FAM161A: variants seen among roughly 807,000 people sequenced by gnomAD.
The protein encoded by FAM161A is FAM161 centrosomal protein A.
FAM161A carries 57 observed loss-of-function variants against 70.9 expected under a neutral mutation model. That is an observed-to-expected ratio of 0.80 (90% CI 0.65 to 1.00). The LOEUF (loss-of-function observed/expected upper bound fraction) is 1.00. FAM161A is among the 50% of genes least tolerant of loss of function. The pLI is 0.00. For synonymous variants in FAM161A, 299 were observed against 295.7 expected (o/e 1.01, Z -0.12); for missense variants, 880 against 836.0 (o/e 1.05, Z -0.65).
the FAM161A span, among the ~76,000 whole-genome samples, chr2:61,807,406 G>T: frequency 2.0e-5 from 3 of 151,968 alleles, no homozygotes; most frequent in South Asian, 6.2e-4. Flanking sequence ...GCATTGCGTA[G>T]ATTGTGCTAT....
At position 61,854,034 on chromosome 2, in the gene FAM161A, G is replaced by C. The variant is rs776840636; in HGVS notation, c.8C>G (p.Thr3Ser). 6.2e-7 allele frequency: 1 copy of C among 1,607,912 alleles called. No individual in the cohort carries two copies. The highest frequency in any genetic ancestry group is 8.5e-7 in the Non-Finnish European group (1 of 1,177,310). Residue 3 changes from threonine to serine, a missense_variant, in exon 1 of 7, where the codon ACC (threonine) becomes AGC (serine). By Grantham distance (58) the Thr-to-Ser change is moderately conservative (BLOSUM62 1). Coordinates refer to ENST00000404929, the MANE Select transcript of FAM161A (RefSeq NM_001201543.2). MA[T>S]SHRVAKLVAS... ...CACCAGCTTCGCCACTCGGTGGGAG[G>C]TGGCCATCGCCCCGCCTCCGAGGCC...
chr2:61,833,467 G>C (rs562825523), intron 5 of FAM161A, among the ~76,000 whole-genome samples: 2 of 151,624 alleles, frequency 1.3e-5, no homozygotes, highest in South Asian at 4.2e-4. Flanking sequence ...AATAATATAG[G>C]GCTCAGCTGC....
intron 4 of FAM161A, among the ~76,000 whole-genome samples, chr2:61,837,818 C>T (rs117782647): frequency 0.011 from 1,625 of 152,230 alleles, 65 homozygotes; most frequent in Admixed American, 0.069. Context: ...ATTATGCTCA[C>T]GTTCATCAAA....
At position 61,838,598 on chromosome 2, in the gene FAM161A, T is replaced by C. The variant is rs1335355430; in HGVS notation, c.1691A>G (p.Lys564Arg). Residue 564 changes from lysine to arginine, a missense_variant, in exon 4 of 7, where the codon AAG becomes AGG. Coordinates refer to ENST00000404929, the MANE Select transcript of FAM161A (RefSeq NM_001201543.2). ...TAAACTTTGATGTGAGTCATAAGCC[T>C]TAGCCCGGGTTGTCAGGAGTTTCTG... ...ELQKLLTTRA[K>R]AYDSHQSLAQ... The C allele has an allele frequency of 6.2e-7, 1 of 1,612,216 alleles. No homozygotes were observed. Among genetic ancestry groups the C allele is most frequent in the African/African-American group, 1.3e-5 (1 of 74,914 alleles).
At chr2:61,812,416 T>A in the FAM161A span, among the ~76,000 whole-genome samples, 1 of 152,130 alleles carries the variant, frequency 6.6e-6, no homozygotes, top group East Asian at 1.9e-4. Context: ...ATTAAAAGCC[T>A]CCAATAAAAC....
chr2:61,836,233 A>T, intron 4 of FAM161A, 124 bp from the exon 5 acceptor site: 2 of 773,742 alleles, frequency 2.6e-6, no homozygotes, highest in East Asian at 5.0e-5. Flanking sequence ...CATTTAGCTT[A>T]GCTGACAAAT....
the FAM161A span, among the ~76,000 whole-genome samples, chr2:61,808,010 T>C: frequency 6.6e-6 from 1 of 152,108 alleles, no homozygotes; most frequent in African/African-American, 2.4e-5. Context: ...CAGAGAACAG[T>C]GTCCTGGTCT....
At chr2:61,828,286 A>G (rs1422568352) in intron 5 of FAM161A, among the ~76,000 whole-genome samples, 31 of 964 alleles carry the variant, frequency 0.032, no homozygotes, top group East Asian at 0.5. Flanking sequence ...AGATATCTGA[A>G]AAAAAAAAAA....
chr2:61,814,822 T>C, the FAM161A span, among the ~76,000 whole-genome samples: 19 of 152,216 alleles, frequency 1.2e-4, no homozygotes, highest in African/African-American at 4.6e-4. Flanking sequence ...TCTGTATAAA[T>C]CCCTTGCCAA....
rs1304466459 is a variant in FAM161A at position 61,845,685 on chromosome 2, A to C, written c.184-3325T>G. On this transcript the variant is annotated intron_variant, in intron 1 of 6. Coordinates refer to ENST00000404929, the MANE Select transcript of FAM161A (RefSeq NM_001201543.2). Reference sequence around the variant, plus strand: ...AAATTTTTTTTAAAAAATTAGCTGGATGTGGTGGCTGAGGTGGGAGGATCA... The same window carrying C: ...AAATTTTTTTTAAAAAATTAGCTGGCTGTGGTGGCTGAGGTGGGAGGATCA... 1.1e-4 allele frequency among the ~76,000 whole-genome samples: 16 copies of C among 151,476 alleles called. No homozygotes were observed. The Admixed American group carries it at 1.1e-3, about 10-fold the overall frequency.
chr2:61,814,407 A>AT, the FAM161A span, among the ~76,000 whole-genome samples: 1 of 152,214 alleles, frequency 6.6e-6, no homozygotes, highest in Non-Finnish European at 1.5e-5. Context: ...ATGAGTTGAA[A>AT]TGCAGTAGTG....
chr2:61,800,435 C>A, the FAM161A span, among the ~76,000 whole-genome samples: 1 of 152,184 alleles, frequency 6.6e-6, no homozygotes, highest in African/African-American at 2.4e-5. Context: ...TCTAGGGACC[C>A]AGGTTCCTCC....
rs1483854939 is a variant in FAM161A, at chr2:61,838,889, TTTA to T, written c.1584-187_1584-185del. On this transcript the variant is annotated intron_variant, in intron 3 of 6. Coordinates refer to ENST00000404929, the MANE Select transcript of FAM161A (RefSeq NM_001201543.2). ...ATTTATTTATTTATTTATTTATTTA[TTTA>T]TTTTTTTTGAGATGGAGTCTCGCTC... Among the ~76,000 whole-genome samples, 135 of 124,240 alleles carry T rather than the reference TTTA, an allele frequency of 1.1e-3. 1 individual carries two copies. The highest frequency in any genetic ancestry group is 3.7e-3 in the African/African-American group (115 of 31,110). The allele number at this position is 124,240 out of a possible 152,430, so 81.5% of individuals were successfully genotyped here.
rs1375159833 is a variant in FAM161A at position 61,825,181 on chromosome 2, C to A, written c.*1274G>T. 1 of 437,686 alleles carries A rather than the reference C, an allele frequency of 2.3e-6. No individual in the cohort carries two copies. Among genetic ancestry groups the A allele is most frequent in the African/African-American group, 2.0e-5 (1 of 48,870 alleles). The allele number at this position is 437,686 out of a possible 1,614,324, so 27.1% of individuals were successfully genotyped here. A position where few individuals can be genotyped will look rare whatever the true frequency, so the allele number is the denominator to read the frequency against. The stretch of plus-strand genomic sequence containing the variant: ...AAGAAAATGTCTTATGCTATATTAT[C>A]TTTATGATTGGCTTCAAATTTTAAA... On this transcript the variant is annotated 3_prime_UTR_variant, in exon 7 of 7. Coordinates refer to ENST00000404929, the MANE Select transcript of FAM161A (RefSeq NM_001201543.2).
At chr2:61,849,563 T>C (rs1389653334) in intron 1 of FAM161A, among the ~76,000 whole-genome samples, 2 of 151,982 alleles carry the variant, frequency 1.3e-5, no homozygotes, top group East Asian at 3.9e-4. Context: ...GGCTGGCGAA[T>C]CACTTGAGGT....
chr2:61,802,049 A>G, the FAM161A span, among the ~76,000 whole-genome samples: 1 of 152,280 alleles, frequency 6.6e-6, no homozygotes, highest in African/African-American at 2.4e-5. Context: ...TTCAATTAGA[A>G]TAAAATTCCT....
chr2:61,822,863 T>C (rs1672232416), downstream of FAM161A, among the ~76,000 whole-genome samples: 1 of 151,932 alleles, frequency 6.6e-6, no homozygotes, highest in African/African-American at 2.4e-5. Context: ...GTGCTGGGAT[T>C]ACAGGCATGA....
At chr2:61,846,778 G>C (rs1673229452) in intron 1 of FAM161A, 1 of 356,756 alleles carries the variant, frequency 2.8e-6, no homozygotes, top group Admixed American at 3.4e-5. Context: ...TTAGCCCTCT[G>C]ACTGCTTCCT....
intron 1 of FAM161A, among the ~76,000 whole-genome samples, chr2:61,844,371 T>A (rs1236598241): frequency 2.0e-5 from 3 of 152,104 alleles, no homozygotes; most frequent in Non-Finnish European, 2.9e-5. Flanking sequence ...TGCAATCAGC[T>A]AGCTGCTAAA....
Sources: allele counts gnomAD v4.1 joint callset (sites outside exome capture counted in the v4.1 genomes callset), GRCh38; gene constraint gnomAD v4.1.1; transcripts MANE v1.5; gene names NCBI Gene and HGNC (gene_info 2026-07-23, HGNC 2026-07-21).